The following CNIH3 variants were observed in gnomAD, a reference collection of about 807,000 sequenced individuals.
CNIH3 encodes cornichon family AMPA receptor auxiliary protein 3.
In CNIH3, 14 loss-of-function variants were observed where a neutral mutation model predicts 24.1. The observed-to-expected ratio is 0.58, with a 90% confidence interval of 0.38 to 0.91. The LOEUF (loss-of-function observed/expected upper bound fraction) is 0.91. CNIH3 is among the 40% of genes least tolerant of loss of function. The pLI is 0.00. For synonymous variants in CNIH3, 68 were observed against 73.8 expected, an observed-to-expected ratio of 0.92 and a Z score of 0.40; for missense variants, 178 against 196.8, an observed-to-expected ratio of 0.90 and a Z score of 0.57.
At chr1:224,584,332 T>C (rs1681404653) in intron 5 of CNIH3, among the ~76,000 whole-genome samples, 1 of 152,204 alleles carries the variant, frequency 6.6e-6, no homozygotes, top group Non-Finnish European at 1.5e-5. Context: ...TGAACATCCT[T>C]AGAATAACGG....
At chr1:224,528,069 GT>G (rs1678914711) in intron 2 of CNIH3, among the ~76,000 whole-genome samples, 1 of 152,004 alleles carries the variant, frequency 6.6e-6, no homozygotes, top group Non-Finnish European at 1.5e-5. Flanking sequence ...CAAGACCAGA[GT>G]GGGCAACATG....
At chr1:224,693,450 C>T (rs1449643578) in intron 3 of CNIH3, among the ~76,000 whole-genome samples, 1 of 152,198 alleles carries the variant, frequency 6.6e-6, no homozygotes, top group African/African-American at 2.4e-5. Context: ...GTGGTCAGTT[C>T]TGTTGACCTT....
At chr1:224,652,283 T>C (rs1451926354) in intron 1 of CNIH3, among the ~76,000 whole-genome samples, 1 of 151,984 alleles carries the variant, frequency 6.6e-6, no homozygotes, top group African/African-American at 2.4e-5. Flanking sequence ...AACTTTAACA[T>C]TCCTGGACTG....
At chr1:224,695,133 T>G (rs1420533351) in intron 3 of CNIH3, among the ~76,000 whole-genome samples, 1 of 152,158 alleles carries the variant, frequency 6.6e-6, no homozygotes, top group Non-Finnish European at 1.5e-5. Context: ...ACATTATCTT[T>G]TCTTCTGTGG....
intron 1 of CNIH3, among the ~76,000 whole-genome samples, chr1:224,628,026 A>G (rs1189463278): frequency 6.6e-6 from 1 of 151,468 alleles, no homozygotes; most frequent in Non-Finnish European, 1.5e-5. Flanking sequence ...TGGAATGTGT[A>G]TAGGCACTAA....
At chr1:224,574,790 G>C (rs949680344) in intron 4 of CNIH3, 1 of 1,046,130 alleles carries the variant, frequency 9.6e-7, no homozygotes, top group African/African-American at 1.6e-5. Context: ...TCAAGCCTGG[G>C]AAGGAATTTT....
chr1:224,476,937 G>T (rs1265264821), intron 1 of CNIH3, among the ~76,000 whole-genome samples: 1 of 152,180 alleles, frequency 6.6e-6, no homozygotes, highest in Non-Finnish European at 1.5e-5. Flanking sequence ...CGAGGTACAG[G>T]TTGCTAGGGA....
chr1:224,540,904 A>G (rs1416939295), downstream of CNIH3, among the ~76,000 whole-genome samples: 2 of 152,204 alleles, frequency 1.3e-5, no homozygotes, highest in Non-Finnish European at 2.9e-5. Flanking sequence ...CAACTTTCGA[A>G]AACTAGATTT....
intron 1 of CNIH3, among the ~76,000 whole-genome samples, chr1:224,631,710 G>T (rs1444128637): frequency 6.6e-6 from 1 of 152,156 alleles, no homozygotes; most frequent in Non-Finnish European, 1.5e-5. Context: ...CAGAGCATCA[G>T]TCTTAGGTAT....
chr1:224,716,653 G>A (rs1688445486), intron 3 of CNIH3, among the ~76,000 whole-genome samples: 1 of 152,134 alleles, frequency 6.6e-6, no homozygotes, highest in Non-Finnish European at 1.5e-5. Context: ...TGGAAAGCAG[G>A]CTGATAACTT....
At chr1:224,477,648 G>T (rs1192201188) in intron 1 of CNIH3, among the ~76,000 whole-genome samples, 1 of 152,074 alleles carries the variant, frequency 6.6e-6, no homozygotes, top group Non-Finnish European at 1.5e-5. Flanking sequence ...TATTTTTGTT[G>T]ATCAGTTCAT....
intron 3 of CNIH3, among the ~76,000 whole-genome samples, chr1:224,705,699 A>G (rs1262652656): frequency 1.3e-5 from 2 of 152,070 alleles, no homozygotes; most frequent in Non-Finnish European, 2.9e-5. Flanking sequence ...GTTGTTGTGA[A>G]TGTTCTGCAG....
At chr1:224,720,204 G>A (rs1688637237) in intron 3 of CNIH3, among the ~76,000 whole-genome samples, 2 of 151,098 alleles carry the variant, frequency 1.3e-5, no homozygotes, top group Admixed American at 1.3e-4. Flanking sequence ...GCTGCTGAGT[G>A]TAACAGGTAA....
At chr1:224,622,529 T>C (rs1241399606) in intron 1 of CNIH3, among the ~76,000 whole-genome samples, 2 of 152,244 alleles carry the variant, frequency 1.3e-5, no homozygotes, top group African/African-American at 2.4e-5. Flanking sequence ...GTATTTCCAC[T>C]GCAGTCATGT....
At chr1:224,437,646 T>C (rs114543325) in intron 1 of CNIH3, among the ~76,000 whole-genome samples, 74 of 152,300 alleles carry the variant, frequency 4.9e-4, no homozygotes, top group African/African-American at 1.8e-3. Context: ...AATTTGTATT[T>C]TTAAAAATAA....
At chr1:224,707,700 T>C (rs767457887) in intron 3 of CNIH3, among the ~76,000 whole-genome samples, 16 of 152,172 alleles carry the variant, frequency 1.1e-4, no homozygotes, top group Non-Finnish European at 2.1e-4. Context: ...TAATCTGCAT[T>C]TTAACAAGAT....
chr1:224,585,321 A>G (rs1042586787), intron 5 of CNIH3, among the ~76,000 whole-genome samples: 8 of 152,158 alleles, frequency 5.3e-5, no homozygotes, highest in Non-Finnish European at 1.2e-4. Flanking sequence ...ATACGTAATG[A>G]GCATCTGCCA....
chr1:224,696,733 A>G (rs537820382), intron 3 of CNIH3, among the ~76,000 whole-genome samples: 1 of 152,004 alleles, frequency 6.6e-6, no homozygotes, highest in South Asian at 2.1e-4. Flanking sequence ...AGCACCTACC[A>G]TGTACATAGT....
chr1:224,681,929 C>T (rs1045623625), intron 2 of CNIH3, among the ~76,000 whole-genome samples: 13 of 152,142 alleles, frequency 8.5e-5, no homozygotes, highest in South Asian at 4.1e-4. Flanking sequence ...TGGTTTCCAG[C>T]GCTAAGGCAA....
Sources: gnomAD v4.1 joint callset for allele counts (sites outside exome capture counted in the v4.1 genomes callset) on GRCh38, gnomAD v4.1.1 for gene constraint, MANE v1.5 for transcripts, NCBI Gene and HGNC (gene_info 2026-07-23, HGNC 2026-07-21) for gene names.